The following LPP variants were observed in gnomAD, a reference collection of about 807,000 sequenced individuals.
The protein encoded by LPP is lipoma-preferred partner.
Under a neutral mutation model 60.4 loss-of-function variants are expected in LPP, and 38 were observed. The ratio of observed to expected loss-of-function variants is 0.63; its 90% CI spans 0.49 to 0.83. The LOEUF (loss-of-function observed/expected upper bound fraction) is 0.83. Among genes scored for constraint, LPP ranks in the 40% least tolerant of loss-of-function variants. The pLI is 0.00. For missense variants in LPP, 902 were observed against 783.6 expected (o/e 1.15, Z -1.80); for synonymous variants, 328 against 290.8 (o/e 1.13, Z -1.30).
At chr3:188,336,451 A>T (rs1761662887) in intron 2 of LPP, among the ~76,000 whole-genome samples, 1 of 152,160 alleles carries the variant, frequency 6.6e-6, no homozygotes, top group Non-Finnish European at 1.5e-5. Flanking sequence ...AGAGAGCAGG[A>T]TATGCCCTGA....
At chr3:188,585,498 GC>G (rs1837235001) in intron 6 of LPP, among the ~76,000 whole-genome samples, 1 of 152,138 alleles carries the variant, frequency 6.6e-6, no homozygotes, top group Non-Finnish European at 1.5e-5. Context: ...TGACAGCACT[GC>G]CCCCTAGTAA....
intron 3 of LPP, among the ~76,000 whole-genome samples, chr3:188,385,511 CT>C (rs1241037912): frequency 6.6e-6 from 1 of 152,116 alleles, no homozygotes; most frequent in African/African-American, 2.4e-5. Context: ...GTTACAAACA[CT>C]ATTAAAATGT....
chr3:188,824,367 G>A (rs1754807958), intron 9 of LPP, among the ~76,000 whole-genome samples: 1 of 152,104 alleles, frequency 6.6e-6, no homozygotes, highest in Admixed American at 6.5e-5. Flanking sequence ...GAGCTAATTA[G>A]AATTAAATTA....
chr3:188,601,201 T>C (rs1270604135), intron 6 of LPP, among the ~76,000 whole-genome samples: 2 of 152,182 alleles, frequency 1.3e-5, no homozygotes, highest in African/African-American at 4.8e-5. Flanking sequence ...TGTAGTATTC[T>C]ATTATATGAC....
chr3:188,653,329 G>A (rs1208844345), intron 7 of LPP, among the ~76,000 whole-genome samples: 1 of 152,124 alleles, frequency 6.6e-6, no homozygotes, highest in African/African-American at 2.4e-5. Context: ...GTAAGTTTTT[G>A]TTATTACTTT....
chr3:188,626,906 A>G (rs900705721), intron 7 of LPP, among the ~76,000 whole-genome samples: 3 of 151,408 alleles, frequency 2.0e-5, no homozygotes, highest in Non-Finnish European at 4.4e-5. Context: ...AAAAGCTATG[A>G]AATACCTCAA....
chr3:188,431,798 A>C (rs7649407), intron 4 of LPP, among the ~76,000 whole-genome samples: 1 of 152,034 alleles, frequency 6.6e-6, no homozygotes, highest in Admixed American at 6.6e-5. Flanking sequence ...GTATGATTCA[A>C]CTACAGATAT....
At chr3:188,765,861 CTTTTTTTTTTTTT>C (rs71169019) in intron 9 of LPP, among the ~76,000 whole-genome samples, 4 of 92,618 alleles carry the variant, frequency 4.3e-5, no homozygotes, top group Non-Finnish European at 8.0e-5. Context: ...ATGTTCAACT[CTTTTTTTTTTTTT>C]TTTTTTTTTT....
intron 5 of LPP, among the ~76,000 whole-genome samples, chr3:188,493,394 C>A (rs1350918056): frequency 6.6e-6 from 1 of 152,138 alleles, no homozygotes; most frequent in Non-Finnish European, 1.5e-5. Flanking sequence ...TGTGTCTAGA[C>A]ACAGCTCGCT....
chr3:188,240,371 G>GTGTGTGTGTT (rs1560144670), intron 2 of LPP, among the ~76,000 whole-genome samples: 1 of 148,080 alleles, frequency 6.8e-6, no homozygotes, highest in African/African-American at 2.6e-5. Context: ...GTGTGTGTGT[G>GTGTGTGTGTT]TGTGTGAGAG....
At chr3:188,196,002 G>A (rs528115417) in intron 1 of LPP, among the ~76,000 whole-genome samples, 13 of 152,206 alleles carry the variant, frequency 8.5e-5, no homozygotes, top group African/African-American at 2.6e-4. Flanking sequence ...CATTCTGGTC[G>A]GATGGAAGTT....
intron 5 of LPP, among the ~76,000 whole-genome samples, chr3:188,491,054 C>G (rs938024216): frequency 6.6e-6 from 1 of 152,056 alleles, no homozygotes. Context: ...GCCACCGCGC[C>G]TGGCCGGCAC....
At chr3:188,285,509 C>T (rs1743628390) in intron 2 of LPP, among the ~76,000 whole-genome samples, 1 of 152,074 alleles carries the variant, frequency 6.6e-6, no homozygotes, top group Non-Finnish European at 1.5e-5. Context: ...GTCTTGAACT[C>T]CTGGGCTCAA....
intron 6 of LPP, among the ~76,000 whole-genome samples, chr3:188,555,201 G>A (rs1829184703): frequency 6.6e-6 from 1 of 152,072 alleles, no homozygotes; most frequent in Admixed American, 6.6e-5. Flanking sequence ...GAGTGAAGTA[G>A]CCAAGGGTGC....
chr3:188,272,067 A>C (rs981835269), intron 2 of LPP, among the ~76,000 whole-genome samples: 14 of 152,078 alleles, frequency 9.2e-5, no homozygotes, highest in African/African-American at 3.4e-4. Flanking sequence ...ATTAATTCTT[A>C]TGATGCAGGG....
intron 9 of LPP, among the ~76,000 whole-genome samples, chr3:188,773,974 C>T (rs1736907519): frequency 6.6e-6 from 1 of 152,068 alleles, no homozygotes; most frequent in South Asian, 2.1e-4. Context: ...CATTTTTCAC[C>T]CCCAACAGAC....
intron 4 of LPP, among the ~76,000 whole-genome samples, chr3:188,427,405 CTTGGTGGGGT>C (rs1789680940): frequency 6.6e-6 from 1 of 152,114 alleles, no homozygotes; most frequent in African/African-American, 2.4e-5. Context: ...TCATTTCAAC[CTTGGTGGGGT>C]AACCCAATCT....
chr3:188,866,049 A>T (rs945309554), intron 9 of LPP, 151 bp from the exon 10 acceptor site: 5 of 494,612 alleles, frequency 1.0e-5, no homozygotes, highest in Non-Finnish European at 1.7e-5. Flanking sequence ...GACTGTATTA[A>T]AGCTGTAGAT....
intron 8 of LPP, among the ~76,000 whole-genome samples, chr3:188,724,562 T>A (rs1349199407): frequency 6.6e-6 from 1 of 152,230 alleles, no homozygotes; most frequent in South Asian, 2.1e-4. Flanking sequence ...TGGGTAGTAG[T>A]GCCCAGTTGG....
Sources: allele counts gnomAD v4.1 joint callset (sites outside exome capture counted in the v4.1 genomes callset), GRCh38; gene constraint gnomAD v4.1.1; transcripts MANE v1.5; gene names NCBI Gene and HGNC (gene_info 2026-07-23, HGNC 2026-07-21).